Variants in AGO3 observed in about 807,000 individuals in gnomAD.
AGO3 encodes the protein argonaute RISC catalytic component 3.
A neutral mutation model predicts 105.5 loss-of-function variants in AGO3; 16 were observed. That is an observed-to-expected ratio of 0.15 (90% confidence interval 0.10 to 0.23). The LOEUF is 0.23. Ranked by LOEUF, AGO3 falls within the 10% of genes least tolerant of loss-of-function variation. The pLI, the probability that AGO3 is intolerant of heterozygous loss-of-function variation, is 1.00. For missense variants in AGO3, 534 were observed against 1,088.0 expected, an observed-to-expected ratio of 0.49 and a Z score of 7.16; for synonymous variants, 340 against 367.3, an observed-to-expected ratio of 0.93 and a Z score of 0.85.
chr1:36,039,757 A>T, intron 14 of AGO3, 33 bp from the exon 15 acceptor site: 5 of 1,213,050 alleles, frequency 4.1e-6, no homozygotes, highest in Non-Finnish European at 5.4e-6. Context: ...ATTTTTATTT[A>T]TTTATTTATT....
At chr1:35,930,984 C>T (rs1384370870), upstream of AGO3, 1 of 338,142 alleles carries the variant, frequency 3.0e-6, no homozygotes, top group African/African-American at 2.2e-5. Context: ...GCGTCCTCCG[C>T]GCCGGCCGCT....
chr1:36,018,645 A>C (rs61778763), intron 11 of AGO3, among the ~76,000 whole-genome samples: 9,248 of 151,868 alleles, frequency 0.061, 356 homozygotes, highest in Middle Eastern at 0.095. Flanking sequence ...GTTGGCCAGG[A>C]TGGTCTCGAT....
At chr1:36,028,387 T>TCC (rs1443168330) in intron 12 of AGO3, among the ~76,000 whole-genome samples, 3 of 85,934 alleles carry the variant, frequency 3.5e-5, no homozygotes, top group African/African-American at 2.0e-4. Context: ...CCCAATGCTA[T>TCC]CCCTCCCCCC....
chr1:35,933,422 C>T (rs1484924360), intron 1 of AGO3, among the ~76,000 whole-genome samples: 2 of 151,764 alleles, frequency 1.3e-5, no homozygotes, highest in Non-Finnish European at 2.9e-5. Flanking sequence ...GAAGGATGAT[C>T]GCTTGAGCCC....
rs1325412145 is a variant in AGO3 at position 36,062,100 on chromosome 1, C to CCAATGT, written c.*6357_*6362dup. The CCAATGT allele has an allele frequency of 6.6e-6, 1 of 151,746 alleles. No homozygotes were observed. The highest frequency in any genetic ancestry group is 1.5e-5 in the Non-Finnish European group (1 of 67,974). The allele number at this position is 151,746 out of a possible 1,614,324, so 9.4% of individuals were successfully genotyped here. ...TTTTAACAAGATTATGGGTATAGTACCAATGTCCAAAGGGAAATGTAACTT... is the reference window on the plus strand; with the variant it reads ...TTTTAACAAGATTATGGGTATAGTACCAATGTCAATGTCCAAAGGGAAATGTAACTT... On this transcript the variant is annotated 3_prime_UTR_variant, in exon 19 of 19. Transcript: ENST00000373191.
At chr1:36,017,211 C>T (rs368563322) in intron 11 of AGO3, among the ~76,000 whole-genome samples, 1 of 152,162 alleles carries the variant, frequency 6.6e-6, no homozygotes. Context: ...TTATGACTCT[C>T]AGGAGAATAA....
chr1:35,973,749 A>G (rs1489000502), intron 5 of AGO3, among the ~76,000 whole-genome samples: 1 of 152,208 alleles, frequency 6.6e-6, no homozygotes, highest in Non-Finnish European at 1.5e-5. Flanking sequence ...AAAAGCCCTG[A>G]TGATTATCTG....
chr1:35,947,360 C>G (rs1416298653), intron 2 of AGO3, among the ~76,000 whole-genome samples: 6 of 151,808 alleles, frequency 4.0e-5, no homozygotes, highest in East Asian at 1.9e-4. Flanking sequence ...AGATTGACAC[C>G]CAAATGTTCC....
chr1:36,066,844 T>C lies in AGO3; in HGVS notation c.*11099T>C, dbSNP rs1231234901. The C allele has an allele frequency of 6.6e-6, 1 of 152,218 alleles. No individual in the cohort carries two copies. Among genetic ancestry groups the C allele is most frequent in the Non-Finnish European group, 1.5e-5 (1 of 68,046 alleles). The allele number at this position is 152,218 out of a possible 1,614,324, so 9.4% of individuals were successfully genotyped here. ...GGGATTTAGGATAAGGCTTCCTTGC[T>C]GGGATCCTTGGACAGAAACCTTACA... is the stretch of plus-strand genomic sequence containing the variant. On this transcript the variant is annotated 3_prime_UTR_variant, in exon 19 of 19. Coordinates refer to ENST00000373191, the MANE Select transcript of AGO3 (RefSeq NM_024852.4).
chr1:35,948,761 T>G (rs1023918855), intron 2 of AGO3, among the ~76,000 whole-genome samples: 2 of 152,260 alleles, frequency 1.3e-5, no homozygotes, highest in Admixed American at 1.3e-4. Flanking sequence ...AACTTACGAT[T>G]CTTTTGACAT....
intron 5 of AGO3, chr1:36,004,044 C>T (rs1377001272): frequency 4.3e-6 from 1 of 231,140 alleles, no homozygotes; most frequent in Non-Finnish European, 8.3e-6. Flanking sequence ...CCACGGGGCT[C>T]CAGCCTTCTT....
At chr1:35,987,273 A>C (rs1427357541) in intron 5 of AGO3, among the ~76,000 whole-genome samples, 1 of 151,796 alleles carries the variant, frequency 6.6e-6, no homozygotes, top group Non-Finnish European at 1.5e-5. Flanking sequence ...GGTTGCAGCG[A>C]GCCGAGATCA....
chr1:36,032,714 G>A (rs1036624892), intron 12 of AGO3, among the ~76,000 whole-genome samples: 9 of 152,124 alleles, frequency 5.9e-5, no homozygotes, highest in African/African-American at 2.2e-4. Flanking sequence ...GTTATGCTGG[G>A]TGCAGTGGCT....
chr1:35,992,014 A>G (rs977668637), intron 5 of AGO3: 1 of 152,112 alleles, frequency 6.6e-6, no homozygotes, highest in Non-Finnish European at 1.5e-5. Flanking sequence ...GTGATTTCAG[A>G]GGGCTTAGGT....
chr1:35,994,912 T>C (rs780647926), intron 5 of AGO3, among the ~76,000 whole-genome samples: 38 of 152,024 alleles, frequency 2.5e-4, no homozygotes, highest in Admixed American at 5.9e-4. Context: ...CTCCCCAAAT[T>C]GATCTATAAA....
intron 1 of AGO3, among the ~76,000 whole-genome samples, chr1:35,945,352 CCTTT>C (rs1646343354): frequency 1.3e-5 from 2 of 152,102 alleles, no homozygotes; most frequent in African/African-American, 4.8e-5. Context: ...CATGCCCTGC[CCTTT>C]CTTCTACTTT....
intron 2 of AGO3, among the ~76,000 whole-genome samples, chr1:35,959,807 G>A (rs1458411451): frequency 1.3e-5 from 2 of 151,852 alleles, no homozygotes; most frequent in Non-Finnish European, 2.9e-5. Context: ...ACATTGTAGT[G>A]TATTCATTTG....
At chr1:35,973,276 G>A (rs2148775829) in intron 4 of AGO3, 99 bp from the exon 5 acceptor site, 4 of 1,144,502 alleles carry the variant, frequency 3.5e-6, no homozygotes, top group South Asian at 3.5e-5. Context: ...ATAATGATAA[G>A]CATCATTATG....
chr1:36,024,028 C>T (rs1490456651), intron 11 of AGO3, among the ~76,000 whole-genome samples: 1 of 152,006 alleles, frequency 6.6e-6, no homozygotes, highest in African/African-American at 2.4e-5. Context: ...CCCTTGAAAT[C>T]ATAGTGCTCT....
Sources: allele counts gnomAD v4.1 joint callset (sites outside exome capture counted in the v4.1 genomes callset), GRCh38; gene constraint gnomAD v4.1.1; transcripts MANE v1.5; gene names NCBI Gene and HGNC (gene_info 2026-07-23, HGNC 2026-07-21).